The following ZNF705B variants were observed in gnomAD, a reference collection of about 807,000 sequenced individuals.
The protein encoded by ZNF705B is Putative zinc finger protein 705D-like protein LOC100132396.
ZNF705B carries 1 observed loss-of-function variant against 10.5 expected under a neutral mutation model. The observed-to-expected ratio is 0.10, with a 90% CI of 0.03 to 0.45. The LOEUF is 0.45. Among genes scored for constraint, ZNF705B ranks in the 20% least tolerant of loss-of-function variants. The probability of loss-of-function intolerance (pLI) is 0.97; values close to 1 mark genes in which losing one functional copy is unlikely to be tolerated. For missense variants in ZNF705B, 14 were observed against 84.0 expected (o/e 0.17, Z 3.26); for synonymous variants, 4 against 25.4 (o/e 0.16, Z 2.53).
intron 1 of ZNF705B, among the ~76,000 whole-genome samples, chr8:7,929,438 A>T (rs1473632595): frequency 9.1e-5 from 11 of 121,310 alleles, no homozygotes; most frequent in African/African-American, 2.8e-4. Context: ...TAAGTGGATG[A>T]ATCCTCAATA....
intron 1 of ZNF705B, among the ~76,000 whole-genome samples, chr8:7,927,339 G>T (rs1214442849): frequency 8.3e-6 from 1 of 121,058 alleles, no homozygotes; most frequent in South Asian, 2.8e-4. Context: ...GTAGTATCTT[G>T]TGTGATTTCA....
At position 7,926,362 on chromosome 8, in the gene ZNF705B, A is replaced by G. The variant is rs1286059471; in HGVS notation, c.-257A>G. ...GTCCTTGTCCCAAGGGACATACAGC[A>G]CACAGCCTGTGGAGGGTGGAGGAAC... On this transcript the variant is annotated 5_prime_UTR_variant, in exon 1 of 7. Transcript: ENST00000400120. 8.5e-6 allele frequency: 1 copy of G among 117,286 alleles called. No individual in the cohort carries two copies. The highest frequency in any genetic ancestry group is 2.0e-5 in the Non-Finnish European group (1 of 49,410). 7.3% of individuals were successfully genotyped at this position (117,286 alleles called of 1,614,324 possible).
chr8:7,927,735 G>A (rs1234919862), intron 1 of ZNF705B, among the ~76,000 whole-genome samples: 1 of 146,942 alleles, frequency 6.8e-6, no homozygotes, highest in Non-Finnish European at 1.5e-5. Context: ...TTTGAAACCA[G>A]GGTTATCTGA....
At chr8:7,930,856 TTGTTG>T (rs1563492034) in intron 2 of ZNF705B, among the ~76,000 whole-genome samples, 2 of 99,496 alleles carry the variant, frequency 2.0e-5, no homozygotes, top group African/African-American at 3.5e-5. Flanking sequence ...GTTTTTTTTT[TTGTTG>T]TTGTTGTTGT....
Position 7,931,732 on chromosome 8 carries a change from TG to T in ZNF705B, c.-72+1298del, listed in dbSNP as rs1209764270. Among the ~76,000 whole-genome samples, 8 of 130,876 alleles carry T rather than the reference TG, an allele frequency of 6.1e-5. No individual in the cohort carries two copies. In the East Asian group the frequency reaches 1.8e-3, roughly 29 times the overall value. The allele number at this position is 130,876 out of a possible 152,430, so 85.9% of individuals were successfully genotyped here. Reference sequence around the variant, plus strand: ...GGGTCAGGATTGCTGTCAGTGTCAGTGGTCCTGGGAAGGTGACTCTCCACTT... The same window carrying T: ...GGGTCAGGATTGCTGTCAGTGTCAGTGTCCTGGGAAGGTGACTCTCCACTT... On this transcript the variant is annotated intron_variant, in intron 2 of 6. Coordinates refer to ENST00000400120, the MANE Select transcript of ZNF705B (RefSeq NM_001193630.1).
chr8:7,926,781 G>T (rs1819701259), intron 1 of ZNF705B, among the ~76,000 whole-genome samples: 1 of 117,420 alleles, frequency 8.5e-6, no homozygotes, highest in African/African-American at 2.6e-5. Context: ...GCACGACCCT[G>T]TTCATTCTCT....
chr8:7,940,767 G>A lies in ZNF705B; in HGVS notation c.-71-6584G>A, dbSNP rs548809147. Among the ~76,000 whole-genome samples, 90 of 139,972 alleles carry A rather than the reference G, an allele frequency of 6.4e-4. 1 individual carries two copies. Among genetic ancestry groups the A allele is most frequent in the African/African-American group, 2.0e-3 (79 of 39,250 alleles). The allele number at this position is 139,972 out of a possible 152,430, so 91.8% of individuals were successfully genotyped here. A position where few individuals can be genotyped will look rare whatever the true frequency, so the allele number is the denominator to read the frequency against. Reference sequence around the variant, plus strand: ...CATCCATGTTGTCACAAATGACAGGGTTTCGTTATTATGGAACACTGAACA... The same window carrying A: ...CATCCATGTTGTCACAAATGACAGGATTTCGTTATTATGGAACACTGAACA... On this transcript the variant is annotated intron_variant, in intron 2 of 6. Transcript: ENST00000400120.
chr8:7,931,686 G>A (rs1819854439), intron 2 of ZNF705B, among the ~76,000 whole-genome samples: 1 of 128,886 alleles, frequency 7.8e-6, no homozygotes, highest in Non-Finnish European at 1.8e-5. Flanking sequence ...GCCTGCAGGT[G>A]TGCAGTGGCC....
chr8:7,930,746 A>G (rs1819819560), intron 2 of ZNF705B, among the ~76,000 whole-genome samples: 2 of 115,098 alleles, frequency 1.7e-5, no homozygotes, highest in Non-Finnish European at 4.2e-5. Context: ...CATGTGAATC[A>G]AAGCAATGGC....
At position 7,933,929 on chromosome 8, in the gene ZNF705B, C is replaced by CTTTTTTTTTTTTTTT. The variant is rs1162997944; in HGVS notation, c.-72+3508_-72+3522dup. On this transcript the variant is annotated intron_variant, in intron 2 of 6. Coordinates refer to ENST00000400120, the MANE Select transcript of ZNF705B (RefSeq NM_001193630.1). The stretch of plus-strand genomic sequence containing the variant: ...ATCAAGTCATAACATGTAATATAAA[C>CTTTTTTTTTTTTTTT]TTTTTTTTTTTTTTTTTTTTTTTTT... Among the ~76,000 whole-genome samples, 31 of 29,362 alleles carry CTTTTTTTTTTTTTTT rather than the reference C, an allele frequency of 1.1e-3. 3 individuals carry two copies. Among genetic ancestry groups the CTTTTTTTTTTTTTTT allele is most frequent in the African/African-American group, 1.7e-3 (22 of 12,816 alleles). The allele number at this position is 29,362 out of a possible 152,430, so 19.3% of individuals were successfully genotyped here.
At chr8:7,927,496 A>G (rs1819726423) in intron 1 of ZNF705B, among the ~76,000 whole-genome samples, 1 of 120,634 alleles carries the variant, frequency 8.3e-6, no homozygotes, top group Admixed American at 9.5e-5. Flanking sequence ...TCCTTTGCCC[A>G]CTTTTTGATG....
intron 2 of ZNF705B, among the ~76,000 whole-genome samples, chr8:7,940,419 T>A (rs1820118315): frequency 1.5e-5 from 2 of 131,970 alleles, no homozygotes; most frequent in Non-Finnish European, 3.4e-5. Context: ...TCCCCTTTAT[T>A]ATTATTTTTT....
chr8:7,935,783 G>T (rs1385450591), intron 2 of ZNF705B, among the ~76,000 whole-genome samples: 1 of 90,288 alleles, frequency 1.1e-5, no homozygotes, highest in African/African-American at 2.8e-5. Context: ...TGACCACTTG[G>T]TAGAAACAAG....
intron 2 of ZNF705B, among the ~76,000 whole-genome samples, chr8:7,938,217 CT>C (rs1488343415): frequency 9.5e-6 from 1 of 105,102 alleles, no homozygotes; most frequent in Non-Finnish European, 2.1e-5. Context: ...GAGATGGAGC[CT>C]TAAGGGGAAA....
intron 2 of ZNF705B, among the ~76,000 whole-genome samples, chr8:7,937,417 A>G (rs1282981867): frequency 4.8e-5 from 5 of 104,108 alleles, no homozygotes; most frequent in African/African-American, 1.4e-4. Flanking sequence ...ACTGTGAGTC[A>G]TGCTTCTGCC....
intron 2 of ZNF705B, among the ~76,000 whole-genome samples, chr8:7,937,562 G>A (rs1329701504): frequency 8.4e-6 from 1 of 119,560 alleles, no homozygotes; most frequent in East Asian, 2.4e-4. Context: ...GGTTATATAT[G>A]TAAGACACAT....
At chr8:7,940,762 A>G (rs1367296219) in intron 2 of ZNF705B, among the ~76,000 whole-genome samples, 2 of 141,874 alleles carry the variant, frequency 1.4e-5, no homozygotes, top group Admixed American at 1.5e-4. Flanking sequence ...GTCACAAATG[A>G]CAGGGTTTCG....
At chr8:7,931,972 G>C (rs1819861906) in intron 2 of ZNF705B, among the ~76,000 whole-genome samples, 1 of 121,576 alleles carries the variant, frequency 8.2e-6, no homozygotes, top group Non-Finnish European at 2.0e-5. Context: ...TTCAGGGGCT[G>C]TTGGGCCCCA....
rs1584996495 is a variant in ZNF705B at position 7,931,083 on chromosome 8, C to T, written c.-72+647C>T. 1.7e-5 allele frequency among the ~76,000 whole-genome samples: 2 copies of T among 119,888 alleles called. 1 individual carries two copies. The highest frequency in any genetic ancestry group is 4.8e-4 in the East Asian group (2 of 4,180). The allele number at this position is 119,888 out of a possible 152,430, so 78.7% of individuals were successfully genotyped here. On this transcript the variant is annotated intron_variant, in intron 2 of 6. Transcript: ENST00000400120. ...GGTCAGGCTGGTCTTGAACTCCCGA[C>T]CTCGGGTGATCTGCCCCCCTCAGCC...
Sources: allele counts gnomAD v4.1 joint callset (sites outside exome capture counted in the v4.1 genomes callset), GRCh38; gene constraint gnomAD v4.1.1; transcripts MANE v1.5; gene names NCBI Gene and HGNC (gene_info 2026-07-23, HGNC 2026-07-21).